GNG12: variants seen among roughly 807,000 people sequenced by gnomAD.
GNG12 encodes guanine nucleotide-binding protein G(I)/G(S)/G(O) subunit gamma-12.
For synonymous variants in GNG12, 28 were observed against 29.7 expected (o/e 0.94, Z 0.19); for missense variants, 69 against 83.8 (o/e 0.82, Z 0.69).
rs564903527 is a variant in GNG12, at chr1:67,790,382, T to C, written c.-76-12875A>G. On this transcript the variant is annotated intron_variant, in intron 1 of 3. Coordinates refer to ENST00000370982, the MANE Select transcript of GNG12 (RefSeq NM_018841.6). ...AGGGAAATATACAAGCATATAATCA[T>C]TGTACTAGCCAAAAAAACCCAGAGC... Among the ~76,000 whole-genome samples, 7 of 152,234 alleles carry C rather than the reference T, an allele frequency of 4.6e-5. No homozygotes were observed. In the East Asian group the frequency reaches 9.6e-4, roughly 21 times the overall value.
chr1:67,753,410 G>A (rs866756628), intron 2 of GNG12, among the ~76,000 whole-genome samples: 8 of 151,174 alleles, frequency 5.3e-5, no homozygotes, highest in Non-Finnish European at 8.8e-5. Context: ...TCAGATAAGC[G>A]ATTCTCAATC....
chr1:67,791,068 A>C (rs1646799529), intron 1 of GNG12, among the ~76,000 whole-genome samples: 2 of 152,160 alleles, frequency 1.3e-5, no homozygotes, highest in Non-Finnish European at 2.9e-5. Context: ...GGCTCAGGGG[A>C]AGGGTAACAC....
chr1:67,787,555 C>T (rs1333071488), intron 1 of GNG12, among the ~76,000 whole-genome samples: 1 of 152,158 alleles, frequency 6.6e-6, no homozygotes, highest in East Asian at 1.9e-4. Context: ...AGCATCTTCA[C>T]ATCAGAAAGA....
At chr1:67,817,967 T>C in intron 1 of GNG12, among the ~76,000 whole-genome samples, 1 of 151,922 alleles carries the variant, frequency 6.6e-6, no homozygotes, top group East Asian at 1.9e-4. Context: ...TTAAAATTTT[T>C]GTAGCGATAG....
intron 1 of GNG12, among the ~76,000 whole-genome samples, chr1:67,815,735 G>A (rs1007148628): frequency 6.6e-6 from 1 of 152,144 alleles, no homozygotes; most frequent in East Asian, 1.9e-4. Context: ...GGGGCTCAGA[G>A]GGCCGGCATG....
intron 2 of GNG12, among the ~76,000 whole-genome samples, chr1:67,711,353 C>T (rs1055198611): frequency 2.0e-5 from 3 of 151,108 alleles, no homozygotes; most frequent in Admixed American, 6.7e-5. Flanking sequence ...TATGTACACA[C>T]GGGAGTGCCA....
intron 1 of GNG12, among the ~76,000 whole-genome samples, chr1:67,818,150 AG>A (rs76970210): frequency 0.22 from 33,989 of 152,112 alleles, 4,277 homozygotes; most frequent in East Asian, 0.4. Context: ...ACAGACTGGT[AG>A]GAATTTACTA....
chr1:67,775,396 A>G (rs1370551917), intron 2 of GNG12, among the ~76,000 whole-genome samples: 1 of 152,262 alleles, frequency 6.6e-6, no homozygotes, highest in South Asian at 2.1e-4. Context: ...AATGTCATGA[A>G]GATATTGTAA....
chr1:67,746,469 A>G (rs1222401321), intron 2 of GNG12, among the ~76,000 whole-genome samples: 1 of 152,170 alleles, frequency 6.6e-6, no homozygotes, highest in African/African-American at 2.4e-5. Context: ...TCTTCTCAGC[A>G]ATCAACTCAT....
At chr1:67,717,225 A>G (rs903386842) in intron 2 of GNG12, among the ~76,000 whole-genome samples, 5 of 152,066 alleles carry the variant, frequency 3.3e-5, no homozygotes, top group African/African-American at 1.2e-4. Flanking sequence ...ATTTAAAAGG[A>G]CACTACTCGG....
intron 1 of GNG12, among the ~76,000 whole-genome samples, chr1:67,808,540 T>C (rs56216233): frequency 0.012 from 1,833 of 152,166 alleles, 18 homozygotes; most frequent in Non-Finnish European, 0.019. Context: ...TGAACATCTA[T>C]GTAAAAAATC....
intron 1 of GNG12, among the ~76,000 whole-genome samples, chr1:67,830,574 C>T (rs184795590): frequency 9.2e-5 from 14 of 152,270 alleles, no homozygotes; most frequent in Admixed American, 7.8e-4. Flanking sequence ...CTGTTCCTGG[C>T]TTAATTTCTT....
intron 2 of GNG12, among the ~76,000 whole-genome samples, chr1:67,753,270 A>G (rs1450772583): frequency 6.6e-6 from 1 of 152,120 alleles, no homozygotes; most frequent in Non-Finnish European, 1.5e-5. Context: ...CTCTGACATA[A>G]CACTCAAATG....
intron 2 of GNG12, among the ~76,000 whole-genome samples, chr1:67,743,613 T>A (rs1646494227): frequency 6.6e-6 from 1 of 152,192 alleles, no homozygotes; most frequent in Non-Finnish European, 1.5e-5. Flanking sequence ...CACACCTGCC[T>A]CCATTTGAAT....
chr1:67,740,049 C>T (rs192583820), intron 2 of GNG12, among the ~76,000 whole-genome samples: 26 of 152,220 alleles, frequency 1.7e-4, no homozygotes, highest in East Asian at 5.8e-4. Flanking sequence ...AATTACGGCA[C>T]GCCAGCTGGA....
chr1:67,784,060 C>A (rs1222846600), intron 1 of GNG12, among the ~76,000 whole-genome samples: 3 of 150,984 alleles, frequency 2.0e-5, no homozygotes, highest in Admixed American at 2.0e-4. Context: ...AGACTTGGAA[C>A]CAACCCAAAT....
chr1:67,795,349 G>A (rs978355835), intron 1 of GNG12, among the ~76,000 whole-genome samples: 2 of 152,156 alleles, frequency 1.3e-5, no homozygotes, highest in Admixed American at 1.3e-4. Context: ...AGCCCACCAT[G>A]ATGATCTCTT....
At chr1:67,773,495 T>C (rs1185179653) in intron 2 of GNG12, among the ~76,000 whole-genome samples, 3 of 152,146 alleles carry the variant, frequency 2.0e-5, no homozygotes, top group African/African-American at 7.2e-5. Flanking sequence ...ATCAAATACT[T>C]GGAGTCAAGT....
In GNG12 at chr1:67,713,422, A is replaced by G. The variant is rs141197094; in HGVS notation, c.-26-5710T>C. ...CAGGTTCCTAGAAATTCCTAGGAAC[A>G]TGATGGTCCATTAGGGAAATATGGG... On this transcript the variant is annotated intron_variant, in intron 2 of 3. Transcript: ENST00000370982. 1.5e-4 allele frequency among the ~76,000 whole-genome samples: 23 copies of G among 152,320 alleles called. No individual in the cohort carries two copies. In the East Asian group the frequency reaches 3.9e-3, roughly 26 times the overall value.
Sources: gnomAD v4.1 joint callset for allele counts (sites outside exome capture counted in the v4.1 genomes callset) on GRCh38, gnomAD v4.1.1 for gene constraint, MANE v1.5 for transcripts, NCBI Gene and HGNC (gene_info 2026-07-23, HGNC 2026-07-21) for gene names.